The following RAPGEF2 variants were observed in gnomAD, a reference collection of about 807,000 sequenced individuals.
The protein encoded by RAPGEF2 is Rap guanine nucleotide exchange factor 2, also known as PDZ domain containing guanine nucleotide exchange factor (GEF) 1.
RAPGEF2 carries 54 observed loss-of-function variants against 186.7 expected under a neutral mutation model. The ratio of observed to expected loss-of-function variants is 0.29; its 90% confidence interval spans 0.23 to 0.36. The LOEUF is 0.36. Ranked by LOEUF, RAPGEF2 falls within the 10% of genes least tolerant of loss-of-function variation. The pLI is 1.00. For missense variants in RAPGEF2, 1,532 were observed against 2,045.0 expected (o/e 0.75, Z 4.84); for synonymous variants, 712 against 705.9 (o/e 1.01, Z -0.14).
intron 17 of RAPGEF2, among the ~76,000 whole-genome samples, chr4:159,336,536 A>G (rs1324851276): frequency 6.6e-6 from 1 of 152,178 alleles, no homozygotes; most frequent in African/African-American, 2.4e-5. Flanking sequence ...TCTGTGGTGT[A>G]GCTATAAACA....
chr4:159,211,683 G>A (rs1470319726), intron 4 of RAPGEF2, among the ~76,000 whole-genome samples: 1 of 152,234 alleles, frequency 6.6e-6, no homozygotes, highest in African/African-American at 2.4e-5. Flanking sequence ...TGGGCTTTTG[G>A]TGGCCAGAAT....
At chr4:159,262,257 G>C (rs1756961666) in intron 7 of RAPGEF2, among the ~76,000 whole-genome samples, 1 of 152,070 alleles carries the variant, frequency 6.6e-6, no homozygotes, top group South Asian at 2.1e-4. Context: ...AGTATTTCCT[G>C]TTTTTCTTAA....
chr4:159,295,104 C>T (rs1193650576), intron 7 of RAPGEF2, among the ~76,000 whole-genome samples: 5 of 152,102 alleles, frequency 3.3e-5, no homozygotes, highest in Non-Finnish European at 7.4e-5. Context: ...ACAATACAGG[C>T]CCCCTCGCCC....
At chr4:159,191,781 A>C (rs1007415559) in intron 2 of RAPGEF2, among the ~76,000 whole-genome samples, 19 of 152,122 alleles carry the variant, frequency 1.2e-4, no homozygotes, top group Non-Finnish European at 2.5e-4. Context: ...AGACAACTCT[A>C]AAAGATTTTC....
At chr4:159,144,853 GCTT>G (rs1467665208) in intron 1 of RAPGEF2, among the ~76,000 whole-genome samples, 1 of 131,682 alleles carries the variant, frequency 7.6e-6, no homozygotes, top group Non-Finnish European at 1.6e-5. Flanking sequence ...TAAACAACTT[GCTT>G]CTTAATTTTT....
chr4:159,240,613 G>A (rs1413638424), intron 5 of RAPGEF2, among the ~76,000 whole-genome samples: 3 of 151,896 alleles, frequency 2.0e-5, no homozygotes, highest in Non-Finnish European at 2.9e-5. Flanking sequence ...GATTACAGGC[G>A]TGAGCAACTG....
intron 1 of RAPGEF2, among the ~76,000 whole-genome samples, chr4:159,156,503 C>CTT (rs1434186855): frequency 6.6e-6 from 1 of 151,382 alleles, no homozygotes; most frequent in Non-Finnish European, 1.5e-5. Flanking sequence ...AAAAATTATA[C>CTT]TTTAAGTTCT....
chr4:159,235,133 A>C (rs781703523), intron 4 of RAPGEF2, among the ~76,000 whole-genome samples: 3 of 152,138 alleles, frequency 2.0e-5, no homozygotes, highest in Non-Finnish European at 4.4e-5. Flanking sequence ...TTTTGTGAGA[A>C]ACTTTTCAGT....
chr4:159,258,763 G>A (rs2110731825), intron 7 of RAPGEF2, among the ~76,000 whole-genome samples: 1 of 152,288 alleles, frequency 6.6e-6, no homozygotes, highest in Admixed American at 6.5e-5. Context: ...TACCCTGGTT[G>A]TATCATGTTG....
chr4:159,152,057 C>CA (rs1743602525), intron 1 of RAPGEF2, among the ~76,000 whole-genome samples: 1 of 152,112 alleles, frequency 6.6e-6, no homozygotes, highest in African/African-American at 2.4e-5. Flanking sequence ...TGTGATGGTT[C>CA]ACACCTATAA....
At chr4:159,260,126 T>TA (rs1246952009) in intron 7 of RAPGEF2, among the ~76,000 whole-genome samples, 3 of 152,088 alleles carry the variant, frequency 2.0e-5, no homozygotes, top group Non-Finnish European at 4.4e-5. Context: ...TAGCTGGTAT[T>TA]ACAGGTGTGC....
Position 159,343,706 on chromosome 4 carries a change from T to C in RAPGEF2, c.3254+302T>C, listed in dbSNP as rs1193652626. On this transcript the variant is annotated intron_variant, in intron 22 of 29. Coordinates refer to ENST00000691494, the MANE Select transcript of RAPGEF2 (RefSeq NM_001394067.2). ...TTGTAGAGCTAAAACTCATAGCTAGTAGTATGCACTAAAATATGTAAATAC... is the reference window on the plus strand; with the variant it reads ...TTGTAGAGCTAAAACTCATAGCTAGCAGTATGCACTAAAATATGTAAATAC... 3.9e-5 allele frequency among the ~76,000 whole-genome samples: 6 copies of C among 152,366 alleles called. No individual in the cohort carries two copies. In the East Asian group the frequency reaches 1.2e-3, roughly 29 times the overall value.
At chr4:159,189,097 C>T (rs1164221633) in intron 2 of RAPGEF2, among the ~76,000 whole-genome samples, 1 of 152,064 alleles carries the variant, frequency 6.6e-6, no homozygotes, top group East Asian at 1.9e-4. Context: ...AATTATTTTC[C>T]TTTAATTTTA....
intron 1 of RAPGEF2, among the ~76,000 whole-genome samples, chr4:159,118,907 C>T (rs533888213): frequency 6.6e-6 from 1 of 152,274 alleles, no homozygotes; most frequent in Non-Finnish European, 1.5e-5. Flanking sequence ...TTAACACAGT[C>T]TCTGGCATTG....
At chr4:159,152,800 T>C (rs1396896434) in intron 1 of RAPGEF2, among the ~76,000 whole-genome samples, 3 of 152,166 alleles carry the variant, frequency 2.0e-5, no homozygotes, top group Non-Finnish European at 4.4e-5. Flanking sequence ...TTTGTATTTT[T>C]AGTAGAGACG....
chr4:159,143,347 T>G (rs1285075063), intron 1 of RAPGEF2, among the ~76,000 whole-genome samples: 3 of 152,208 alleles, frequency 2.0e-5, no homozygotes, highest in Non-Finnish European at 4.4e-5. Context: ...TTGGTTTAGG[T>G]CTTAGTCTTC....
At position 159,188,695 on chromosome 4, in the gene RAPGEF2, A is replaced by G. The variant is rs1747807924; in HGVS notation, c.140+1983A>G. ...AAAAAAAAAGAAAAGAAAAAAAAGA[A>G]AAGGTATAAAAATACTAATGAAGTT... is the stretch of plus-strand genomic sequence containing the variant. On this transcript the variant is annotated intron_variant, in intron 2 of 29. Transcript: ENST00000691494. Among the ~76,000 whole-genome samples the G allele has an allele frequency of 2.6e-5, 4 of 152,102 alleles. No individual in the cohort carries two copies. In the South Asian group the frequency reaches 8.3e-4, roughly 31 times the overall value.
At chr4:159,330,295 G>GTGTGTGTATA (rs1554038040) in intron 12 of RAPGEF2, 39 bp from the exon 13 acceptor site, 2 of 924,000 alleles carry the variant, frequency 2.2e-6, no homozygotes, top group African/African-American at 3.5e-5. Context: ...GTGTGTGTGT[G>GTGTGTGTATA]TATATATATG....
intron 7 of RAPGEF2, among the ~76,000 whole-genome samples, chr4:159,258,251 GTGTTT>G (rs1414649290): frequency 6.6e-6 from 1 of 152,146 alleles, no homozygotes; most frequent in Admixed American, 6.5e-5. Context: ...AATTAGGTGT[GTGTTT>G]TGTTTGTTTA....
Sources: gnomAD v4.1 joint callset for allele counts (sites outside exome capture counted in the v4.1 genomes callset) on GRCh38, gnomAD v4.1.1 for gene constraint, MANE v1.5 for transcripts, NCBI Gene and HGNC (gene_info 2026-07-23, HGNC 2026-07-21) for gene names.